The following FLYWCH2 variants were observed in gnomAD, a reference collection of about 807,000 sequenced individuals.
FLYWCH2 encodes the protein FLYWCH family member 2.
In FLYWCH2, 2 loss-of-function variants were observed where a neutral mutation model predicts 6.0. That is an observed-to-expected ratio of 0.33 (90% confidence interval 0.14 to 1.04). The LOEUF (loss-of-function observed/expected upper bound fraction) is 1.04, where lower values mean the gene tolerates loss of function less well. Among genes scored for constraint, FLYWCH2 ranks in the 50% least tolerant of loss-of-function variants. The probability of loss-of-function intolerance (pLI) is 0.45; values close to 1 mark genes in which losing one functional copy is unlikely to be tolerated. For missense variants in FLYWCH2, 192 were observed against 183.4 expected, an observed-to-expected ratio of 1.05 and a Z score of -0.27; for synonymous variants, 87 against 79.3, an observed-to-expected ratio of 1.10 and a Z score of -0.52.
intron 1 of FLYWCH2, among the ~76,000 whole-genome samples, chr16:2,885,097 C>T (rs1301799952): frequency 7.9e-5 from 12 of 151,990 alleles, no homozygotes; most frequent in Non-Finnish European, 1.5e-4. Context: ...CCAAGGAGGG[C>T]GGATCACGAG....
intron 1 of FLYWCH2, among the ~76,000 whole-genome samples, chr16:2,884,651 G>A (rs986594946): frequency 6.6e-6 from 1 of 151,128 alleles, no homozygotes; most frequent in African/African-American, 2.4e-5. Context: ...AAGGAGGGTG[G>A]ATCACCTGAG....
intron 1 of FLYWCH2, among the ~76,000 whole-genome samples, chr16:2,893,751 C>T (rs2069785735): frequency 6.6e-6 from 1 of 151,734 alleles, no homozygotes; most frequent in Admixed American, 6.6e-5. Flanking sequence ...CATTCTCCTG[C>T]CTCAGCCTCC....
chr16:2,892,406 G>T (rs1181595570), intron 1 of FLYWCH2, among the ~76,000 whole-genome samples: 1 of 151,422 alleles, frequency 6.6e-6, no homozygotes, highest in Non-Finnish European at 1.5e-5. Context: ...TGAGACAGGA[G>T]AATATCTTCA....
rs34052316 is a variant in FLYWCH2, at chr16:2,886,516, C to CT, written c.-200+3173dup. Among the ~76,000 whole-genome samples, 387 of 66,824 alleles carry CT rather than the reference C, an allele frequency of 5.8e-3. 9 individuals carry two copies. Among genetic ancestry groups the CT allele is most frequent in the African/African-American group, 0.015 (217 of 14,668 alleles). The allele number at this position is 66,824 out of a possible 152,430, so 43.8% of individuals were successfully genotyped here. A position where few individuals can be genotyped will look rare whatever the true frequency, so the allele number is the denominator to read the frequency against. ...AGCCACCACGCCCTGCCCCTTTGTC[C>CT]TTTTTTTTTTTTTTTTTTTTTTTGA... On this transcript the variant is annotated intron_variant, in intron 1 of 3. Transcript: ENST00000396958.
At chr16:2,887,878 GT>G (rs2069716123) in intron 1 of FLYWCH2, among the ~76,000 whole-genome samples, 2 of 151,894 alleles carry the variant, frequency 1.3e-5, no homozygotes, top group African/African-American at 4.8e-5. Context: ...AACATTTGTC[GT>G]TAAGACTATT....
Position 2,884,579 on chromosome 16 carries a change from A to AAAAAAAAAAAAAC in FLYWCH2, c.-200+1213_-200+1214insAAAAAAAAAAAAC, listed in dbSNP as rs1285185165. ...CTACTAAAAAAAAAAAAAAAAAAAT[A>AAAAAAAAAAAAAC]CAAAAATTAGTCGGGGCCGGCGCGG... On this transcript the variant is annotated intron_variant, in intron 1 of 3. Coordinates refer to ENST00000396958, the MANE Select transcript of FLYWCH2 (RefSeq NM_138439.3). Among the ~76,000 whole-genome samples the AAAAAAAAAAAAAC allele has an allele frequency of 1.3e-3, 174 of 137,808 alleles. 6 individuals are homozygous for AAAAAAAAAAAAAC. Among genetic ancestry groups the AAAAAAAAAAAAAC allele is most frequent in the Non-Finnish European group, 2.4e-3 (152 of 63,196 alleles). 90.4% of individuals were successfully genotyped at this position (137,808 alleles called of 152,430 possible). A position where few individuals can be genotyped will look rare whatever the true frequency, so the allele number is the denominator to read the frequency against.
At chr16:2,888,422 T>C (rs958237828) in intron 1 of FLYWCH2, among the ~76,000 whole-genome samples, 4 of 151,028 alleles carry the variant, frequency 2.6e-5, no homozygotes, top group African/African-American at 9.8e-5. Context: ...TCAAGATTGT[T>C]TTTGCTATTC....
intron 1 of FLYWCH2, among the ~76,000 whole-genome samples, chr16:2,893,957 C>T (rs1233229062): frequency 6.6e-6 from 1 of 152,152 alleles, no homozygotes; most frequent in Non-Finnish European, 1.5e-5. Flanking sequence ...CCCTTTTGTA[C>T]AGCTCAGAGT....
rs374750652 is a variant in FLYWCH2 at position 2,899,183 on chromosome 16, A to G, written c.*34A>G. The G allele has an allele frequency of 3.9e-6, 6 of 1,540,282 alleles. No homozygotes were observed. The highest frequency in any genetic ancestry group is 1.4e-5 in the African/African-American group (1 of 72,792). On this transcript the variant is annotated 3_prime_UTR_variant, in exon 4 of 4. Coordinates refer to ENST00000396958, the MANE Select transcript of FLYWCH2 (RefSeq NM_138439.3). ...ACAGGCGCATCCTCCCAGGCCACCA[A>G]CCCAGCCATAGGCTCTTCTCTGTCC...
At chr16:2,895,975 C>G (rs970898372) in intron 2 of FLYWCH2, among the ~76,000 whole-genome samples, 1 of 152,212 alleles carries the variant, frequency 6.6e-6, no homozygotes, top group African/African-American at 2.4e-5. Flanking sequence ...TAAGAACAGC[C>G]TGCTGTCATA....
intron 1 of FLYWCH2, among the ~76,000 whole-genome samples, chr16:2,890,418 T>G (rs8045762): frequency 0.49 from 71,516 of 145,492 alleles, 17,858 homozygotes; most frequent in Non-Finnish European, 0.55. Flanking sequence ...CCTGACTAAT[T>G]TTTTTTTTTT....
intron 1 of FLYWCH2, among the ~76,000 whole-genome samples, chr16:2,883,719 G>C (rs889039821): frequency 6.6e-6 from 1 of 152,250 alleles, no homozygotes; most frequent in Non-Finnish European, 1.5e-5. Context: ...CTGCAGGGAC[G>C]GCAGCGAGTT....
In FLYWCH2 at chr16:2,884,140, CTT is replaced by C. The variant is rs372074313; in HGVS notation, c.-200+777_-200+778del. On this transcript the variant is annotated intron_variant, in intron 1 of 3. Coordinates refer to ENST00000396958, the MANE Select transcript of FLYWCH2 (RefSeq NM_138439.3). Reference sequence around the variant, plus strand: ...AGCAGCTGTCCATATCGTCTGGGAACTTTTGCGATGACTTCACCCTTGCCTGT... The same window carrying C: ...AGCAGCTGTCCATATCGTCTGGGAACTTGCGATGACTTCACCCTTGCCTGT... Among the ~76,000 whole-genome samples, 978 of 152,308 alleles carry C rather than the reference CTT, an allele frequency of 6.4e-3. 8 individuals are homozygous for C. The highest frequency in any genetic ancestry group is 0.023 in the African/African-American group (945 of 41,562).
chr16:2,889,620 T>C (rs1003620039), intron 1 of FLYWCH2, among the ~76,000 whole-genome samples: 9 of 151,922 alleles, frequency 5.9e-5, no homozygotes, highest in African/African-American at 1.7e-4. Flanking sequence ...AAATAGTTAA[T>C]GTTTTGGGTC....
rs145106450 is a variant in FLYWCH2 at position 2,899,070 on chromosome 16, G to A, written c.344G>A (p.Ser115Asn). The change falls in exon 4 of 4, where the codon AGT becomes AAT. Residue 115 changes from serine to asparagine, a missense_variant. Ser to Asn is a conservative substitution (Grantham distance 46). Coordinates refer to ENST00000396958, the MANE Select transcript of FLYWCH2 (RefSeq NM_138439.3). ...QDPGTDRTED[S>N]GLAAGPPEAA... ...GCAGGCACAGACAGAACAGAAGACAGTGGATTAGCAGCGGGGCCTCCTGAG... is the reference window on the plus strand; with the variant it reads ...GCAGGCACAGACAGAACAGAAGACAATGGATTAGCAGCGGGGCCTCCTGAG... 73 of 1,613,788 alleles carry A rather than the reference G, an allele frequency of 4.5e-5. 1 individual carries two copies. The Middle Eastern group carries it at 1.8e-3, about 40-fold the overall frequency.
At chr16:2,891,087 C>G (rs1447389108) in intron 1 of FLYWCH2, among the ~76,000 whole-genome samples, 2 of 152,188 alleles carry the variant, frequency 1.3e-5, no homozygotes, top group South Asian at 4.1e-4. Flanking sequence ...CCACTGGCTT[C>G]CAAGGCAGGA....
At chr16:2,893,174 A>G (rs2069779222) in intron 1 of FLYWCH2, among the ~76,000 whole-genome samples, 1 of 151,992 alleles carries the variant, frequency 6.6e-6, no homozygotes, top group African/African-American at 2.4e-5. Flanking sequence ...TGGAGGCTTC[A>G]TTACATAGGC....
chr16:2,895,894 C>T (rs141614121), intron 2 of FLYWCH2, among the ~76,000 whole-genome samples: 27 of 152,330 alleles, frequency 1.8e-4, no homozygotes, highest in Admixed American at 1.1e-3. Context: ...GTGTCCACTC[C>T]ATCTCTGCCA....
rs529019446 is a variant in FLYWCH2 at position 2,885,652 on chromosome 16, A to AT, written c.-200+2294dup. On this transcript the variant is annotated intron_variant, in intron 1 of 3. Coordinates refer to ENST00000396958, the MANE Select transcript of FLYWCH2 (RefSeq NM_138439.3). ...AAGGTTCATTCATGTTGTAGCATAG[A>AT]TTTTTTTTACTGCCAAATAATATTC... 3.9e-5 allele frequency among the ~76,000 whole-genome samples: 6 copies of AT among 152,176 alleles called. No individual in the cohort carries two copies. The East Asian group carries it at 5.8e-4, about 15-fold the overall frequency.
Sources: allele counts gnomAD v4.1 joint callset (sites outside exome capture counted in the v4.1 genomes callset), GRCh38; gene constraint gnomAD v4.1.1; transcripts MANE v1.5; gene names NCBI Gene and HGNC (gene_info 2026-07-23, HGNC 2026-07-21).